UBE2G1: variants seen among roughly 807,000 people sequenced by gnomAD.
The protein encoded by UBE2G1 is ubiquitin-conjugating enzyme E2 G1.
UBE2G1 carries 5 observed loss-of-function variants against 22.7 expected under a neutral mutation model. That is an observed-to-expected ratio of 0.22 (90% CI 0.12 to 0.46). The LOEUF (loss-of-function observed/expected upper bound fraction) is 0.46. Among genes scored for constraint, UBE2G1 ranks in the 20% least tolerant of loss-of-function variants. The probability of loss-of-function intolerance (pLI) is 0.99; values close to 1 mark genes in which losing one functional copy is unlikely to be tolerated. For missense variants in UBE2G1, 88 were observed against 203.9 expected (o/e 0.43, Z 3.46); for synonymous variants, 74 against 67.5 (o/e 1.10, Z -0.47).
intron 1 of UBE2G1, among the ~76,000 whole-genome samples, chr17:4,342,237 A>G (rs975032367): frequency 6.6e-6 from 1 of 152,120 alleles, no homozygotes; most frequent in Non-Finnish European, 1.5e-5. Flanking sequence ...TTTCTTTTCC[A>G]TTTCAGTTAA....
chr17:4,341,747 G>C (rs141655016), intron 1 of UBE2G1, among the ~76,000 whole-genome samples: 2 of 152,136 alleles, frequency 1.3e-5, no homozygotes, highest in African/African-American at 4.8e-5. Context: ...TCCGTCCAGT[G>C]CAACTGCCTT....
At chr17:4,328,351 A>C (rs1969525618) in intron 1 of UBE2G1, among the ~76,000 whole-genome samples, 1 of 152,240 alleles carries the variant, frequency 6.6e-6, no homozygotes, top group South Asian at 2.1e-4. Context: ...CAAAATATCA[A>C]CATACTGGTT....
At chr17:4,353,220 AAACAAC>A (rs536567849) in intron 1 of UBE2G1, among the ~76,000 whole-genome samples, 5 of 151,948 alleles carry the variant, frequency 3.3e-5, no homozygotes, top group African/African-American at 4.8e-5. Context: ...TCCATCTCGA[AAACAAC>A]AACAACAACA....
At chr17:4,315,819 C>G in intron 1 of UBE2G1, among the ~76,000 whole-genome samples, 1 of 113,338 alleles carries the variant, frequency 8.8e-6, no homozygotes, top group African/African-American at 4.2e-5. Flanking sequence ...TTTTTTTTTC[C>G]TCCCTGAGAC....
intron 1 of UBE2G1, among the ~76,000 whole-genome samples, chr17:4,314,976 A>T (rs1969349470): frequency 6.6e-6 from 1 of 152,226 alleles, no homozygotes; most frequent in Non-Finnish European, 1.5e-5. Flanking sequence ...TTATGACACA[A>T]ATGAAAATGT....
chr17:4,318,139 A>G (rs9913013), intron 1 of UBE2G1, among the ~76,000 whole-genome samples: 5,797 of 152,244 alleles, frequency 0.038, 405 homozygotes, highest in African/African-American at 0.13. Context: ...AACACGGAGA[A>G]GATATTGTAT....
intron 1 of UBE2G1, among the ~76,000 whole-genome samples, chr17:4,326,921 G>T (rs1969509358): frequency 6.6e-6 from 1 of 152,324 alleles, no homozygotes; most frequent in African/African-American, 2.4e-5. Flanking sequence ...CCAGCACTTG[G>T]GAGGCCAAGG....
At position 4,366,413 on chromosome 17, in the gene UBE2G1, C is replaced by G; in HGVS notation, c.-97G>C. The G allele has an allele frequency of 7.9e-7, 1 of 1,259,140 alleles. No homozygotes were observed. The highest frequency in any genetic ancestry group is 3.0e-5 in the East Asian group (1 of 33,194). 78.0% of individuals were successfully genotyped at this position (1,259,140 alleles called of 1,614,324 possible). On this transcript the variant is annotated 5_prime_UTR_variant, in exon 1 of 6. Transcript: ENST00000396981. ...AGCGGGGTGTGCCGAGGAACCCGGG[C>G]CCCGCGACCGGAGCGCCGGAGCCGA...
intron 1 of UBE2G1, among the ~76,000 whole-genome samples, chr17:4,344,709 C>T (rs1410225607): frequency 1.3e-5 from 2 of 151,932 alleles, no homozygotes; most frequent in Non-Finnish European, 2.9e-5. Context: ...TAAAACTTAG[C>T]TGGGTGTGGT....
In UBE2G1 at chr17:4,272,157, T is replaced by C. The variant is rs1968768181; in HGVS notation, c.*397A>G. ...TTTTAAACTGATAAGAAACAATGAATAGGAAAGAAAACCTGCTAAAATCTC... is the reference window on the plus strand; with the variant it reads ...TTTTAAACTGATAAGAAACAATGAACAGGAAAGAAAACCTGCTAAAATCTC... On this transcript the variant is annotated 3_prime_UTR_variant, in exon 6 of 6. Transcript: ENST00000396981. 6.6e-6 allele frequency: 1 copy of C among 152,628 alleles called. No homozygotes were observed. Among genetic ancestry groups the C allele is most frequent in the African/African-American group, 2.4e-5 (1 of 41,456 alleles). The allele number at this position is 152,628 out of a possible 1,614,324, so 9.5% of individuals were successfully genotyped here. A position where few individuals can be genotyped will look rare whatever the true frequency, so the allele number is the denominator to read the frequency against.
At chr17:4,304,650 T>C (rs77813491) in intron 2 of UBE2G1, among the ~76,000 whole-genome samples, 1 of 152,010 alleles carries the variant, frequency 6.6e-6, no homozygotes, top group South Asian at 2.1e-4. Context: ...CACAGAGAGA[T>C]AATCACAGCA....
At chr17:4,359,042 CTTACA>C (rs1969938150) in intron 1 of UBE2G1, among the ~76,000 whole-genome samples, 2 of 151,510 alleles carry the variant, frequency 1.3e-5, no homozygotes, top group African/African-American at 2.4e-5. Context: ...AAATATATAC[CTTACA>C]TAAGAATATG....
intron 1 of UBE2G1, among the ~76,000 whole-genome samples, chr17:4,315,998 G>A (rs954348162): frequency 6.6e-6 from 1 of 151,484 alleles, no homozygotes; most frequent in Admixed American, 6.6e-5. Flanking sequence ...TATGTTTTTA[G>A]TAGAGACGGG....
chr17:4,363,273 T>C (rs777866908), intron 1 of UBE2G1, among the ~76,000 whole-genome samples: 1 of 151,718 alleles, frequency 6.6e-6, no homozygotes, highest in African/African-American at 2.4e-5. Flanking sequence ...CTTCAAATTT[T>C]AAAAAAAAAT....
At chr17:4,334,476 A>G (rs1178178133) in intron 1 of UBE2G1, among the ~76,000 whole-genome samples, 1 of 152,232 alleles carries the variant, frequency 6.6e-6, no homozygotes, top group Non-Finnish European at 1.5e-5. Flanking sequence ...CTTAGAGAGT[A>G]AATTTTAATA....
intron 1 of UBE2G1, among the ~76,000 whole-genome samples, chr17:4,310,935 G>A (rs7219610): frequency 0.032 from 4,914 of 152,274 alleles, 290 homozygotes; most frequent in African/African-American, 0.11. Context: ...CATGAGCTGG[G>A]CATGGTGGCT....
intron 4 of UBE2G1, among the ~76,000 whole-genome samples, chr17:4,283,487 G>A (rs559076771): frequency 7.2e-5 from 11 of 152,184 alleles, no homozygotes; most frequent in Admixed American, 4.6e-4. Flanking sequence ...ACGACAGAGC[G>A]AGACTCCATC....
At chr17:4,301,656 G>T in intron 2 of UBE2G1, 1 of 795,870 alleles carries the variant, frequency 1.3e-6, no homozygotes. Flanking sequence ...TATTTGCACT[G>T]GACAGGTTGT....
At chr17:4,334,574 T>C (rs571986952) in intron 1 of UBE2G1, among the ~76,000 whole-genome samples, 1 of 152,194 alleles carries the variant, frequency 6.6e-6, no homozygotes, top group African/African-American at 2.4e-5. Flanking sequence ...AGGGAGTCTC[T>C]GTCGCCCAAG....
Sources: gnomAD v4.1 joint callset for allele counts (sites outside exome capture counted in the v4.1 genomes callset) on GRCh38, gnomAD v4.1.1 for gene constraint, MANE v1.5 for transcripts, NCBI Gene and HGNC (gene_info 2026-07-23, HGNC 2026-07-21) for gene names.